Variants in SUN3 observed in about 807,000 individuals in gnomAD.
SUN3 encodes the protein Sad1 and UNC84 domain containing 3, also known as SUN domain-containing protein 3.
SUN3 carries 36 observed loss-of-function variants against 48.2 expected under a neutral mutation model. That is an observed-to-expected ratio of 0.75 (90% CI 0.57 to 0.99). SUN3 has a LOEUF of 0.99. Among genes scored for constraint, SUN3 ranks in the 50% least tolerant of loss-of-function variants. The pLI, the probability that SUN3 is intolerant of heterozygous loss-of-function variation, is 0.00. For missense variants in SUN3, 419 were observed against 433.1 expected (o/e 0.97, Z 0.29); for synonymous variants, 148 against 147.9 (o/e 1.00, Z 0.00).
chr7:48,007,825 G>GTTT (rs1275161930), intron 4 of SUN3, among the ~76,000 whole-genome samples: 2 of 138,020 alleles, frequency 1.4e-5, no homozygotes, highest in Non-Finnish European at 3.2e-5. Flanking sequence ...TCCCAAGAAT[G>GTTT]TTTTTTTTTT....
intron 6 of SUN3, among the ~76,000 whole-genome samples, chr7:48,002,504 A>G (rs1269543682): frequency 6.6e-6 from 1 of 151,936 alleles, no homozygotes; most frequent in African/African-American, 2.4e-5. Context: ...ATTTTTTTCA[A>G]ATGATTCTTG....
In SUN3 at chr7:47,994,467, C is replaced by T. The variant is rs779108714; in HGVS notation, c.709G>A (p.Gly237Arg). 6.3e-7 allele frequency: 1 copy of T among 1,596,418 alleles called. No homozygotes were observed. The highest frequency in any genetic ancestry group is 8.5e-7 in the Non-Finnish European group (1 of 1,174,688). The change falls in exon 8 of 10, where the codon GGA (glycine) becomes AGA (arginine). Residue 237 changes from glycine to arginine, a missense_variant. Coordinates refer to ENST00000297325, the MANE Select transcript of SUN3 (RefSeq NM_001030019.2). ...DIILQPDVYP[G>R]KCWAFPGSQG... ...GAACCTGGAAAAGCCCAGCACTTTC[C>T]AGGGTAGACATCCGGCTGGAAAGAA...
rs1186579655 is a variant in SUN3 at position 48,008,991 on chromosome 7, G to A, written c.329+44C>T. 3 of 1,587,694 alleles carry A rather than the reference G, an allele frequency of 1.9e-6. No homozygotes were observed. The Admixed American group carries it at 5.4e-5, about 29-fold the overall frequency. ...TCTGTACGAAAACATTTCAGTATTT[G>A]AAACCACACCAAAAAGAGGCATATA... is the stretch of plus-strand genomic sequence containing the variant. On this transcript the variant is annotated intron_variant, in intron 4 of 9. Transcript: ENST00000297325.
chr7:48,035,506 A>T, the SUN3 span: 1 of 697,224 alleles, frequency 1.4e-6, no homozygotes, highest in South Asian at 1.5e-5. The surrounding 1 kb of genome is among the most constrained non-coding windows in gnomAD (Gnocchi z 4.0). Flanking sequence ...TGCCCTGGCG[A>T]CGCCGATGTT....
chr7:48,016,881 A>G (rs1018200486), intron 3 of SUN3, among the ~76,000 whole-genome samples: 4 of 152,202 alleles, frequency 2.6e-5, no homozygotes, highest in African/African-American at 4.8e-5. Flanking sequence ...TGAGGGTTCT[A>G]CCATGGCAGA....
intron 3 of SUN3, 121 bp downstream of exon 3, chr7:48,017,141 T>A: frequency 1.6e-6 from 1 of 606,386 alleles, no homozygotes; most frequent in Non-Finnish European, 2.8e-6. Context: ...TTCCATTTCC[T>A]ACATTAATTT....
intron 6 of SUN3, among the ~76,000 whole-genome samples, chr7:47,999,725 G>A (rs1489895426): frequency 6.6e-6 from 1 of 152,110 alleles, no homozygotes; most frequent in East Asian, 1.9e-4. Flanking sequence ...AGTACAGCCG[G>A]GGTTTCACCA....
At chr7:48,001,029 AT>A (rs1218260698) in intron 6 of SUN3, among the ~76,000 whole-genome samples, 2 of 151,820 alleles carry the variant, frequency 1.3e-5, no homozygotes, top group Non-Finnish European at 2.9e-5. Flanking sequence ...TTTTTCAAAC[AT>A]TTTTTCATTC....
intron 6 of SUN3, among the ~76,000 whole-genome samples, chr7:48,002,924 C>T (rs140354954): frequency 0.024 from 3,715 of 152,210 alleles, 150 homozygotes; most frequent in African/African-American, 0.084. Context: ...TATTTGGATG[C>T]GCTTTATTTC....
intron 4 of SUN3, among the ~76,000 whole-genome samples, chr7:48,007,842 G>A (rs928066654): frequency 1.0e-5 from 1 of 98,702 alleles, no homozygotes; most frequent in East Asian, 2.9e-4. Flanking sequence ...TTTTTTTTTT[G>A]AGATGGAGTC....
At chr7:48,003,376 C>T (rs1388716883) in intron 6 of SUN3, among the ~76,000 whole-genome samples, 1 of 152,080 alleles carries the variant, frequency 6.6e-6, no homozygotes, top group Non-Finnish European at 1.5e-5. Context: ...GTTCTTTTTG[C>T]TTAGGATTGC....
Position 47,987,265 on chromosome 7 carries a change from C to A in SUN3, c.*65G>T. ...TTCTCAATTCCTATGGGTGCGGTAT[C>A]ATCTAAGAGAATAAGCATTCTTGAA... On this transcript the variant is annotated 3_prime_UTR_variant, in exon 10 of 10. Transcript: ENST00000297325. 1 of 1,553,142 alleles carries A rather than the reference C, an allele frequency of 6.4e-7. No homozygotes were observed. Among genetic ancestry groups the A allele is most frequent in the Non-Finnish European group, 8.7e-7 (1 of 1,147,470 alleles).
intron 2 of SUN3, 63 bp from the exon 3 acceptor site, chr7:48,017,428 G>T: frequency 2.3e-6 from 2 of 880,790 alleles, no homozygotes; most frequent in Non-Finnish European, 3.6e-6. Flanking sequence ...TATTTTACAT[G>T]TATTCATAAG....
intron 2 of SUN3, among the ~76,000 whole-genome samples, chr7:48,022,137 T>C (rs1284989863): frequency 6.6e-6 from 1 of 152,056 alleles, no homozygotes; most frequent in Non-Finnish European, 1.5e-5. Flanking sequence ...GAATTGGAGA[T>C]CATTATGTTC....
In SUN3 at chr7:48,017,293, G is replaced by A. The variant is rs368049372; in HGVS notation, c.257C>T (p.Ala86Val). 3.1e-6 allele frequency: 5 copies of A among 1,602,284 alleles called. No individual in the cohort carries two copies. The African/African-American group carries it at 6.7e-5, about 21-fold the overall frequency. The stretch of plus-strand genomic sequence containing the variant: ...TTTATAAAGCCTTGAACCATATTCT[G>A]CAATTATGGCATATAATTGTCTGGA... Reference protein sequence around the residue: ...QKSRQLYAIIAEYGSRLYKYQ... With the variant: ...QKSRQLYAIIVEYGSRLYKYQ... Residue 86 changes from alanine (A) to valine (V), a missense_variant, in exon 3 of 10, where the codon GCA becomes GTA. Coordinates refer to ENST00000297325, the MANE Select transcript of SUN3 (RefSeq NM_001030019.2).
intron 3 of SUN3, among the ~76,000 whole-genome samples, chr7:48,009,407 G>A (rs1789620861): frequency 6.6e-6 from 1 of 152,106 alleles, no homozygotes; most frequent in Non-Finnish European, 1.5e-5. Context: ...AAAAATAGAG[G>A]GAAGAGGAAG....
upstream of SUN3, chr7:48,029,128 C>T: frequency 4.0e-6 from 3 of 757,300 alleles, no homozygotes; most frequent in African/African-American, 1.8e-5. Context: ...TTGCATCATC[C>T]TCCGTGACAC....
At chr7:48,008,763 T>C (rs1412085934) in intron 4 of SUN3, among the ~76,000 whole-genome samples, 1 of 152,244 alleles carries the variant, frequency 6.6e-6, no homozygotes, top group Admixed American at 6.5e-5. Context: ...TTTTTAATAC[T>C]AAATACAGCA....
chr7:48,000,944 C>T (rs893399015), intron 6 of SUN3, among the ~76,000 whole-genome samples: 15 of 151,108 alleles, frequency 9.9e-5, no homozygotes, highest in African/African-American at 3.2e-4. Context: ...TCTTCATCTC[C>T]CTCTGAGACT....
Sources: gnomAD v4.1 joint callset for allele counts (sites outside exome capture counted in the v4.1 genomes callset) on GRCh38, gnomAD v4.1.1 for gene constraint, Gnocchi (gnomAD v3.1) non-coding constraint, MANE v1.5 for transcripts, NCBI Gene and HGNC (gene_info 2026-07-23, HGNC 2026-07-21) for gene names.